Variants in STK40 observed in about 807,000 individuals in gnomAD.
STK40 encodes the protein serine/threonine-protein kinase 40.
STK40 carries 13 observed loss-of-function variants against 47.9 expected under a neutral mutation model. The observed-to-expected ratio is 0.27, with a 90% CI of 0.18 to 0.43. STK40 has a LOEUF of 0.43. Ranked by LOEUF, STK40 falls within the 20% of genes least tolerant of loss-of-function variation. The pLI, the probability that STK40 is intolerant of heterozygous loss-of-function variation, is 1.00. For synonymous variants in STK40, 225 were observed against 243.2 expected (o/e 0.93, Z 0.69); for missense variants, 460 against 595.1 (o/e 0.77, Z 2.36).
At position 36,358,724 on chromosome 1, in the gene STK40, ATGTCT is replaced by A. The variant is rs763807595; in HGVS notation, c.198+8_198+12del. The A allele has an allele frequency of 2.0e-5, 33 of 1,613,798 alleles. No individual in the cohort carries two copies. Among genetic ancestry groups the A allele is most frequent in the Admixed American group, 1.7e-4 (10 of 60,006 alleles). The stretch of plus-strand genomic sequence containing the variant: ...CTGTTCCTGAGGCACCCTCACCCCC[ATGTCT>A]CACTTACCTTCAGCTGATAGAAGTC... On this transcript the variant is annotated splice_region_variant and intron_variant, in intron 3 of 10. Coordinates refer to ENST00000373132, the MANE Select transcript of STK40 (RefSeq NM_001282547.2).
intron 1 of STK40, among the ~76,000 whole-genome samples, chr1:36,362,191 T>C (rs1382762858): frequency 6.6e-6 from 1 of 152,038 alleles, no homozygotes; most frequent in Admixed American, 6.6e-5. Flanking sequence ...GACACAGATT[T>C]AAAAATAACA....
At chr1:36,366,336 C>T (rs539502301) in intron 1 of STK40, among the ~76,000 whole-genome samples, 1 of 152,288 alleles carries the variant, frequency 6.6e-6, no homozygotes, top group South Asian at 2.1e-4. Context: ...AGAAGGATGG[C>T]AACAGACGCG....
rs759242925 is a variant in STK40 at position 36,341,814 on chromosome 1, C to T, written c.1249G>A (p.Ala417Thr). The change falls in exon 11 of 11, where the codon GCA becomes ACA. Residue 417 changes from alanine to threonine, a missense_variant. By Grantham distance (58) the Ala-to-Thr change is moderately conservative (BLOSUM62 0). Around this residue, in one of 3 missense-constraint regions of STK40, gnomAD observed 181 missense variants for 218.9 expected, o/e 0.83. Coordinates refer to ENST00000373132, the MANE Select transcript of STK40 (RefSeq NM_001282547.2). ...APPVRRLGHD[A>T]QPMTSLDTAI... ...GTGTCCAAGGAGGTCATGGGCTGTG[C>T]GTCGTGGCCCAGCCGTCGCACCGGT... 1.1e-5 allele frequency: 17 copies of T among 1,613,242 alleles called. No individual in the cohort carries two copies. Among genetic ancestry groups the T allele is most frequent in the Admixed American group, 1.7e-5 (1 of 60,012 alleles).
intron 1 of STK40, among the ~76,000 whole-genome samples, chr1:36,374,675 A>T (rs566921028): frequency 6.6e-6 from 1 of 152,326 alleles, no homozygotes; most frequent in Non-Finnish European, 1.5e-5. Flanking sequence ...TGGCCTCTCC[A>T]TCCAGAGAGG....
chr1:36,361,586 G>A (rs1646853327), intron 1 of STK40, among the ~76,000 whole-genome samples: 1 of 152,162 alleles, frequency 6.6e-6, no homozygotes, highest in African/African-American at 2.4e-5. Flanking sequence ...CAGAGGCGGG[G>A]AGCCAACACA....
chr1:36,341,946 A>G lies in STK40; in HGVS notation c.1117T>C (p.Tyr373His). ...EAKVTEECSQYEFENYMRQQL... is the reference protein window; with the variant it reads ...EAKVTEECSQHEFENYMRQQL... ...TGACGCATGTAGTTCTCAAACTCGT[A>G]CTGGGAGCACTCCTCCGTCACCTTC... is the stretch of plus-strand genomic sequence containing the variant. The change falls in exon 11 of 11, where the codon TAC (tyrosine) becomes CAC (histidine). Residue 373 changes from tyrosine (Y) to histidine (H), a missense_variant. Physicochemically the swap from Tyr to His is moderately conservative, Grantham distance 83. Around this residue, in one of 3 missense-constraint regions of STK40, gnomAD observed 181 missense variants for 218.9 expected, o/e 0.83. Coordinates refer to ENST00000373132, the MANE Select transcript of STK40 (RefSeq NM_001282547.2). The G allele has an allele frequency of 6.2e-7, 1 of 1,613,910 alleles. No individual in the cohort carries two copies. Among genetic ancestry groups the G allele is most frequent in the Non-Finnish European group, 8.5e-7 (1 of 1,179,882 alleles).
intron 2 of STK40, 57 bp from the exon 3 acceptor site, chr1:36,358,879 AGGTCACC>A: frequency 6.2e-7 from 1 of 1,602,838 alleles, no homozygotes; most frequent in Non-Finnish European, 8.5e-7. Context: ...TCACGACGCC[AGGTCACC>A]ACGTGGTCTT....
Position 36,341,009 on chromosome 1 carries a change from A to T in STK40, c.*746T>A, listed in dbSNP as rs1646641784. The T allele has an allele frequency of 6.6e-6, 1 of 152,662 alleles. No individual in the cohort carries two copies. Among genetic ancestry groups the T allele is most frequent in the Non-Finnish European group, 1.5e-5 (1 of 68,474 alleles). 9.5% of individuals were successfully genotyped at this position (152,662 alleles called of 1,614,324 possible). On this transcript the variant is annotated 3_prime_UTR_variant, in exon 11 of 11. Coordinates refer to ENST00000373132, the MANE Select transcript of STK40 (RefSeq NM_001282547.2). ...GCCAGGTCTAGAAAGGCCTCCCATC[A>T]CCGGCAGCAGAGAGGGACTGGTGGG... is the stretch of plus-strand genomic sequence containing the variant.
Position 36,370,587 on chromosome 1 carries a change from G to A in STK40, c.-8-9247C>T, listed in dbSNP as rs541876415. On this transcript the variant is annotated intron_variant, in intron 1 of 10. Coordinates refer to ENST00000373132, the MANE Select transcript of STK40 (RefSeq NM_001282547.2). ...CACCCACGCTCTGCAGACCACCCGT[G>A]CACACTAGGTGGCTGCCAGGTCTCT... 9.8e-5 allele frequency among the ~76,000 whole-genome samples: 15 copies of A among 152,308 alleles called. No homozygotes were observed. The East Asian group carries it at 2.9e-3, about 29-fold the overall frequency.
intron 6 of STK40, among the ~76,000 whole-genome samples, chr1:36,353,334 C>T (rs535775802): frequency 5.0e-4 from 76 of 152,330 alleles, no homozygotes; most frequent in African/African-American, 1.8e-3. Context: ...TCCTGCTGGT[C>T]CTGGGTTCCT....
In STK40 at chr1:36,344,031, G is replaced by A. The variant is rs756322167; in HGVS notation, c.885-52C>T. The A allele has an allele frequency of 6.9e-6, 11 of 1,590,200 alleles. No individual in the cohort carries two copies. In the East Asian group the frequency reaches 2.5e-4, roughly 36 times the overall value. On this transcript the variant is annotated intron_variant, in intron 8 of 10. Coordinates refer to ENST00000373132, the MANE Select transcript of STK40 (RefSeq NM_001282547.2). ...CTCAGTGGGTGGTGCTGGGTCTGTG[G>A]CCAGGATGCCCAGGCTCACTGTGCC...
chr1:36,375,612 TTTATACTGTTTTCA>T (rs1281355850), intron 1 of STK40, among the ~76,000 whole-genome samples: 1 of 152,242 alleles, frequency 6.6e-6, no homozygotes, highest in Non-Finnish European at 1.5e-5. Context: ...TGCGCTTCTC[TTTATACTGTTTTCA>T]ACAGCAAAAA....
At position 36,341,741 on chromosome 1, in the gene STK40, C is replaced by T. The variant is rs1339141759; in HGVS notation, c.*14G>A. 7 of 1,608,500 alleles carry T rather than the reference C, an allele frequency of 4.4e-6. No homozygotes were observed. The highest frequency in any genetic ancestry group is 5.9e-6 in the Non-Finnish European group (7 of 1,177,456). On this transcript the variant is annotated 3_prime_UTR_variant, in exon 11 of 11. Transcript: ENST00000373132. ...AAGAAGTGGCAGCAGTGCTGGTGGC[C>T]CCGGCTGAGGCTGTTATTTCCGCAG...
Position 36,350,049 on chromosome 1 carries a change from G to A in STK40, c.624-1234C>T, listed in dbSNP as rs74499193. Among the ~76,000 whole-genome samples, 294 of 152,334 alleles carry A rather than the reference G, an allele frequency of 1.9e-3. 1 individual carries two copies. The highest frequency in any genetic ancestry group is 6.6e-3 in the African/African-American group (275 of 41,582). The stretch of plus-strand genomic sequence containing the variant: ...CATCCAGGCGGCTCTGAGAGCCCTC[G>A]GTGATCTCGGGGAATTCTGCTGGCA... On this transcript the variant is annotated intron_variant, in intron 6 of 10. Coordinates refer to ENST00000373132, the MANE Select transcript of STK40 (RefSeq NM_001282547.2).
chr1:36,355,189 G>A lies in STK40; in HGVS notation c.570+17C>T, dbSNP rs1200386324. Reference sequence around the variant, plus strand: ...CTTTCTGTGGCCAGAAGGCGCAGCAGCAGGGTGTGGCCTCACCTGGTGCAG... The same window carrying A: ...CTTTCTGTGGCCAGAAGGCGCAGCAACAGGGTGTGGCCTCACCTGGTGCAG... On this transcript the variant is annotated intron_variant, in intron 5 of 10. Coordinates refer to ENST00000373132, the MANE Select transcript of STK40 (RefSeq NM_001282547.2). The A allele has an allele frequency of 6.2e-7, 1 of 1,610,344 alleles. No homozygotes were observed. The highest frequency in any genetic ancestry group is 1.3e-5 in the African/African-American group (1 of 74,878).
intron 7 of STK40, among the ~76,000 whole-genome samples, chr1:36,345,991 A>ATATATAT: frequency 4.1e-3 from 109 of 26,474 alleles, no homozygotes; most frequent in South Asian, 6.2e-3. Flanking sequence ...ATATATATAT[A>ATATATAT]TTTTTTTTTT....
At chr1:36,348,030 A>G (rs569222942) in intron 7 of STK40, among the ~76,000 whole-genome samples, 1 of 152,312 alleles carries the variant, frequency 6.6e-6, no homozygotes, top group East Asian at 1.9e-4. Context: ...ATGTTTGTCT[A>G]CTTTGTTCCC....
At chr1:36,376,662 G>A (rs997818754) in intron 1 of STK40, among the ~76,000 whole-genome samples, 5 of 152,178 alleles carry the variant, frequency 3.3e-5, no homozygotes, top group Admixed American at 6.5e-5. Context: ...CAGCCTTTCC[G>A]ACTAGGTCCA....
At chr1:36,350,191 C>T (rs1453332514) in intron 6 of STK40, among the ~76,000 whole-genome samples, 2 of 152,214 alleles carry the variant, frequency 1.3e-5, no homozygotes, top group Non-Finnish European at 2.9e-5. Context: ...ACTGGTGGCC[C>T]GCAGGCGGCT....
Sources: allele counts gnomAD v4.1 joint callset (sites outside exome capture counted in the v4.1 genomes callset), GRCh38; gene constraint gnomAD v4.1.1; regional missense constraint gnomAD v4.1.1; transcripts MANE v1.5; gene names NCBI Gene and HGNC (gene_info 2026-07-23, HGNC 2026-07-21).